ASTN1: variants seen among roughly 807,000 people sequenced by gnomAD.
ASTN1 encodes astrotactin 1.
Under a neutral mutation model 140.7 loss-of-function variants are expected in ASTN1, and 41 were observed. The ratio of observed to expected loss-of-function variants is 0.29; its 90% CI spans 0.23 to 0.38. The LOEUF is 0.38. Ranked by LOEUF, ASTN1 falls within the 10% of genes least tolerant of loss-of-function variation. The pLI is 1.00. For synonymous variants in ASTN1, 640 were observed against 652.2 expected (o/e 0.98, Z 0.29); for missense variants, 1,479 against 1,678.8 (o/e 0.88, Z 2.08).
rs759832557 is a variant in ASTN1 at position 176,884,412 on chromosome 1, C to G, written c.3153G>C (p.Gly1051=). The change falls in exon 19 of 23, where the codon GGG becomes GGC. Residue 1051 remains glycine (G), a synonymous_variant. Transcript: ENST00000361833. ...GGAGGAGGTAATCTACAATCTGCAC[C>G]CCGATTGGTGGCTCTGAGTGTTCCC... ...LEWEHSEPPI[G]VQIVDYLLRQ... The G allele has an allele frequency of 1.2e-6, 2 of 1,613,968 alleles. No individual in the cohort carries two copies. Among genetic ancestry groups the G allele is most frequent in the Non-Finnish European group, 1.7e-6 (2 of 1,180,024 alleles).
chr1:177,117,538 G>T (rs1681154226), intron 1 of ASTN1, among the ~76,000 whole-genome samples: 1 of 152,078 alleles, frequency 6.6e-6, no homozygotes, highest in African/African-American at 2.4e-5. Context: ...AAGTTCTGCT[G>T]GGAGTAAACA....
chr1:176,861,566 A>T lies in ASTN1; in HGVS notation c.*2718T>A. 2 of 985,702 alleles carry T rather than the reference A, an allele frequency of 2.0e-6. No homozygotes were observed. The highest frequency in any genetic ancestry group is 2.4e-6 in the Non-Finnish European group (2 of 829,950). The allele number at this position is 985,702 out of a possible 1,614,324, so 61.1% of individuals were successfully genotyped here. On this transcript the variant is annotated 3_prime_UTR_variant, in exon 23 of 23. Coordinates refer to ENST00000361833, the MANE Select transcript of ASTN1 (RefSeq NM_004319.3). ...CAATAGTGTCTTCCAAGGGGAAAAA[A>T]TCCTCCAGTCAATTGTACAACCATC...
At chr1:176,988,327 A>AAAC (rs1459988563) in intron 8 of ASTN1, among the ~76,000 whole-genome samples, 1 of 150,532 alleles carries the variant, frequency 6.6e-6, no homozygotes, top group Non-Finnish European at 1.5e-5. Context: ...GAAAAAAAAA[A>AAAC]AAAAAACCTT....
chr1:176,934,324 G>C lies in ASTN1; in HGVS notation c.2499C>G (p.Leu833=). 6.2e-7 allele frequency: 1 copy of C among 1,612,902 alleles called. No individual in the cohort carries two copies. Among genetic ancestry groups the C allele is most frequent in the Non-Finnish European group, 8.5e-7 (1 of 1,179,062 alleles). The change falls in exon 16 of 23, where the codon CTC becomes CTG. Residue 833 remains leucine, a synonymous_variant. Transcript: ENST00000361833. ...GAGATGTAGCCCCATCCAGCGAGTG[G>C]AGAGCATTGCTGAGGGCTATGGAGA... ...VAISQALSNA[L]HSLDGATSRA...
At position 176,894,751 on chromosome 1, in the gene ASTN1, C is replaced by A; in HGVS notation, c.2751G>T (p.Leu917Phe). 6.8e-6 allele frequency: 11 copies of A among 1,614,194 alleles called. No homozygotes were observed. The highest frequency in any genetic ancestry group is 9.3e-6 in the Non-Finnish European group (11 of 1,180,044). Residue 917 changes from leucine (L) to phenylalanine (F), a missense_variant, in exon 17 of 23, where the codon TTG becomes TTT. This residue lies in a region of ASTN1 where 746 missense variants were observed against 800.9 expected (regional missense o/e 0.93). Transcript: ENST00000361833. ...CCATGTGCTTGGTGCCGGAGTCTGA[C>A]AAGCTGGTGATGTATTCTGGGAATG... ...VLTFPEYITS[L>F]SDSGTKHMAA... is the part of the protein sequence containing the mutation.
At chr1:176,981,193 CAGA>C (rs1673596364) in intron 8 of ASTN1, among the ~76,000 whole-genome samples, 1 of 103,080 alleles carries the variant, frequency 9.7e-6, no homozygotes, top group African/African-American at 3.9e-5. Flanking sequence ...GCCTGGGTGA[CAGA>C]AGGAGACTCT....
rs1171485329 is a variant in ASTN1 at position 176,904,893 on chromosome 1, G to A, written c.2672-10063C>T. On this transcript the variant is annotated intron_variant, in intron 16 of 22. Coordinates refer to ENST00000361833, the MANE Select transcript of ASTN1 (RefSeq NM_004319.3). ...GTTGAAGGCCCCACTGAGCTACAGA[G>A]TGGAATTAGTGCTGCTTTTCTCTAT... is the stretch of plus-strand genomic sequence containing the variant. Among the ~76,000 whole-genome samples, 6 of 152,320 alleles carry A rather than the reference G, an allele frequency of 3.9e-5. No homozygotes were observed. The East Asian group carries it at 9.7e-4, about 25-fold the overall frequency.
intron 8 of ASTN1, among the ~76,000 whole-genome samples, chr1:176,972,028 T>G (rs540415273): frequency 6.6e-6 from 1 of 152,206 alleles, no homozygotes; most frequent in Non-Finnish European, 1.5e-5. Context: ...CTAGGCTATA[T>G]AGTATAACCT....
intron 1 of ASTN1, among the ~76,000 whole-genome samples, chr1:177,084,201 T>C (rs181896513): frequency 5.3e-5 from 8 of 152,078 alleles, no homozygotes; most frequent in Admixed American, 5.2e-4. Flanking sequence ...CATCATGGAG[T>C]GAGTGCTTGC....
chr1:176,934,176 G>A lies in ASTN1; in HGVS notation c.2647C>T (p.Leu883=), dbSNP rs140080605. ...CCTTTACTGATGTCTTCATACTCCA[G>A]CCAGAGTCGCCGCTGGACCTGCTTG... ...PNKQVQRRLW[L]EYEDISKGNS... Residue 883 remains leucine, a synonymous_variant, in exon 16 of 23, where the codon CTG becomes TTG. Transcript: ENST00000361833. 3.8e-4 allele frequency: 615 copies of A among 1,612,924 alleles called. 4 individuals carry two copies. The South Asian group carries it at 5.3e-3, about 14-fold the overall frequency.
chr1:176,917,310 T>C (rs1670529794), intron 16 of ASTN1, among the ~76,000 whole-genome samples: 2 of 152,294 alleles, frequency 1.3e-5, no homozygotes, highest in African/African-American at 4.8e-5. Context: ...GCTGTAGGTA[T>C]GTGTGGAATG....
At chr1:176,968,728 G>C (rs1673001324) in intron 8 of ASTN1, among the ~76,000 whole-genome samples, 1 of 152,188 alleles carries the variant, frequency 6.6e-6, no homozygotes, top group African/African-American at 2.4e-5. Flanking sequence ...TATTGTGTGT[G>C]AACTGTGATA....
chr1:176,877,049 G>T (rs934139635), intron 20 of ASTN1, among the ~76,000 whole-genome samples: 1 of 152,130 alleles, frequency 6.6e-6, no homozygotes, highest in Non-Finnish European at 1.5e-5. Context: ...TGACTCTGGT[G>T]CCTGTTAAAC....
intron 22 of ASTN1, among the ~76,000 whole-genome samples, chr1:176,867,919 T>TTTCC (rs57237203): frequency 0.091 from 13,701 of 150,784 alleles, 652 homozygotes; most frequent in African/African-American, 0.12. Flanking sequence ...ATTTTCTTCA[T>TTTCC]TTCCTTCCTT....
chr1:177,151,365 C>T (rs1320346172), intron 1 of ASTN1, among the ~76,000 whole-genome samples: 1 of 150,968 alleles, frequency 6.6e-6, no homozygotes, highest in Non-Finnish European at 1.5e-5. Context: ...AGGCACGTAA[C>T]AAAGTTCTTA....
intron 8 of ASTN1, among the ~76,000 whole-genome samples, chr1:176,974,550 T>A (rs1295498009): frequency 6.6e-6 from 1 of 152,076 alleles, no homozygotes; most frequent in African/African-American, 2.4e-5. Flanking sequence ...CAGGCCCGGC[T>A]AATTTTTGTA....
chr1:177,086,444 G>A (rs1679472855), intron 1 of ASTN1, among the ~76,000 whole-genome samples: 1 of 152,018 alleles, frequency 6.6e-6, no homozygotes, highest in Non-Finnish European at 1.5e-5. Flanking sequence ...TATTTATTGT[G>A]GAAAATAATT....
intron 21 of ASTN1, among the ~76,000 whole-genome samples, chr1:176,872,335 C>T (rs1466688963): frequency 6.6e-6 from 1 of 152,016 alleles, no homozygotes; most frequent in Non-Finnish European, 1.5e-5. Flanking sequence ...GACAAAAATC[C>T]TCACCCTTAT....
chr1:176,860,997 T>G (rs979417693), downstream of ASTN1: 34 of 838,192 alleles, frequency 4.1e-5, no homozygotes, highest in Non-Finnish European at 4.3e-5. Context: ...CTTTAAAACC[T>G]TAACAAGTTC....
Sources: allele counts gnomAD v4.1 joint callset (sites outside exome capture counted in the v4.1 genomes callset), GRCh38; gene constraint gnomAD v4.1.1; regional missense constraint gnomAD v4.1.1; transcripts MANE v1.5; gene names NCBI Gene and HGNC (gene_info 2026-07-23, HGNC 2026-07-21).